PLAGL1: variants seen among roughly 807,000 people sequenced by gnomAD.
PLAGL1 encodes the protein PLAG1 like zinc finger 1.
A neutral mutation model predicts 4.6 loss-of-function variants in PLAGL1; 1 was observed. That is an observed-to-expected ratio of 0.22 (90% CI 0.08 to 1.03). The LOEUF (loss-of-function observed/expected upper bound fraction) is 1.03, where lower values mean the gene tolerates loss of function less well. Among genes scored for constraint, PLAGL1 ranks in the 50% least tolerant of loss-of-function variants. The probability of loss-of-function intolerance (pLI) is 0.58; values close to 1 mark genes in which losing one functional copy is unlikely to be tolerated. For missense variants in PLAGL1, 464 were observed against 570.4 expected (o/e 0.81, Z 1.90); for synonymous variants, 240 against 237.8 (o/e 1.01, Z -0.08).
chr6:143,959,996 A>G lies in PLAGL1; in HGVS notation c.-325+473T>C, dbSNP rs1783025235. ...AGCGTTTTCAAATAAAGCCTCAGGA[A>G]GTATGGCTGGATTGCCTCATGTGGC... On this transcript the variant is annotated intron_variant, in intron 6 of 7. Coordinates refer to ENST00000674357, the MANE Select transcript of PLAGL1 (RefSeq NM_001317162.2). This position sits in a 1 kb window ranked among gnomAD's most constrained non-coding sequence, Gnocchi z 5.3. 6.6e-6 allele frequency among the ~76,000 whole-genome samples: 1 copy of G among 152,256 alleles called. No individual in the cohort carries two copies. Among genetic ancestry groups the G allele is most frequent in the Non-Finnish European group, 1.5e-5 (1 of 68,050 alleles).
chr6:144,048,616 G>GC lies in PLAGL1; in HGVS notation c.-151+15851dup, dbSNP rs1181079617. ...TGTATGTTGGCCCCTTTTAGCTATG[G>GC]CTGGGACACAGGGTGCCAAGTCCTG... On this transcript the variant is annotated intron_variant, in intron 1 of 3. Coordinates refer to the PLAGL1 transcript ENST00000437412. This position sits in a 1 kb window ranked among gnomAD's most constrained non-coding sequence, Gnocchi z 4.8. Among the ~76,000 whole-genome samples the GC allele has an allele frequency of 2.6e-5, 4 of 152,190 alleles. No homozygotes were observed. The highest frequency in any genetic ancestry group is 9.6e-5 in the African/African-American group (4 of 41,458).
rs1352238399 is a variant in PLAGL1, at chr6:144,059,600, T to TC, written c.-151+4867dup. Among the ~76,000 whole-genome samples, 1 of 152,222 alleles carries TC rather than the reference T, an allele frequency of 6.6e-6. No individual in the cohort carries two copies. Among genetic ancestry groups the TC allele is most frequent in the African/African-American group, 2.4e-5 (1 of 41,448 alleles). Reference sequence around the variant, plus strand: ...ACAGCCCTAACTCTAATTGTAACTTTCCCAGATATTTTTAATATATTTAGG... The same window carrying TC: ...ACAGCCCTAACTCTAATTGTAACTTTCCCCAGATATTTTTAATATATTTAGG... On this transcript the variant is annotated intron_variant, in intron 1 of 3. Transcript: ENST00000437412. This position sits in a 1 kb window ranked among gnomAD's most constrained non-coding sequence, Gnocchi z 4.9.
At position 143,979,741 on chromosome 6, in the gene PLAGL1, C is replaced by G. The variant is rs960468030; in HGVS notation, c.-544+5394G>C. ...ATCATCATCGTATGTATTTATTTAC[C>G]TAGGTGGTTGCCATTTCTGGTGCTC... On this transcript the variant is annotated intron_variant, in intron 2 of 7. Transcript: ENST00000674357. This position sits in a 1 kb window ranked among gnomAD's most constrained non-coding sequence, Gnocchi z 4.6. 6.6e-6 allele frequency among the ~76,000 whole-genome samples: 1 copy of G among 151,552 alleles called. No individual in the cohort carries two copies. Among genetic ancestry groups the G allele is most frequent in the African/African-American group, 2.4e-5 (1 of 41,248 alleles).
rs1213210690 is a variant in PLAGL1 at position 143,973,032 on chromosome 6, T to G, written c.-543-4054A>C. ...TTTGGGGTGAATTTCCCAATTCCTC[T>G]GTGTTAAATTGAGGTCTAATTTTCC... On this transcript the variant is annotated intron_variant, in intron 2 of 7. Coordinates refer to ENST00000674357, the MANE Select transcript of PLAGL1 (RefSeq NM_001317162.2). The surrounding 1 kb of genome is among the most constrained non-coding windows in gnomAD (Gnocchi z 6.2). Among the ~76,000 whole-genome samples, 1 of 152,216 alleles carries G rather than the reference T, an allele frequency of 6.6e-6. No homozygotes were observed.
chr6:143,941,306 T>G lies in PLAGL1; in HGVS notation c.*118A>C. 1 of 707,812 alleles carries G rather than the reference T, an allele frequency of 1.4e-6. No homozygotes were observed. The highest frequency in any genetic ancestry group is 2.5e-5 in the South Asian group (1 of 40,028). The allele number at this position is 707,812 out of a possible 1,614,324, so 43.8% of individuals were successfully genotyped here. A position where few individuals can be genotyped will look rare whatever the true frequency, so the allele number is the denominator to read the frequency against. On this transcript the variant is annotated 3_prime_UTR_variant, in exon 8 of 8. Transcript: ENST00000674357. The surrounding 1 kb of genome is among the most constrained non-coding windows in gnomAD (Gnocchi z 6.0). ...TTCTCTTATCATCTCAAGCCAGTCA[T>G]CACTGAATAAGCCATAGTCCCAGTC...
intron 2 of PLAGL1, among the ~76,000 whole-genome samples, chr6:143,977,092 C>T (rs922790976): frequency 6.7e-6 from 1 of 149,104 alleles, no homozygotes; most frequent in Non-Finnish European, 1.5e-5. Flanking sequence ...TTCCCCCCCC[C>T]CAACACACTT....
At chr6:143,946,408 T>G (rs915250439) in intron 7 of PLAGL1, among the ~76,000 whole-genome samples, 2 of 152,208 alleles carry the variant, frequency 1.3e-5, no homozygotes, top group African/African-American at 4.8e-5. Flanking sequence ...ACGCTTACCC[T>G]CCGCACACGC....
chr6:143,985,135 A>G lies in PLAGL1; in HGVS notation c.-544T>C, dbSNP rs1245935603. On this transcript the variant is annotated splice_region_variant and 5_prime_UTR_variant, in exon 2 of 8. Coordinates refer to ENST00000674357, the MANE Select transcript of PLAGL1 (RefSeq NM_001317162.2). This position sits in a 1 kb window ranked among gnomAD's most constrained non-coding sequence, Gnocchi z 4.4. ...AAAAGAAACTGAAATATCAGCTTAC[A>G]AAAGCCAATCACGATGTTTATGAAT... The G allele has an allele frequency of 6.6e-6, 1 of 152,216 alleles. No homozygotes were observed. Among genetic ancestry groups the G allele is most frequent in the African/African-American group, 2.4e-5 (1 of 41,476 alleles). The allele number at this position is 152,216 out of a possible 1,614,324, so 9.4% of individuals were successfully genotyped here.
chr6:144,037,427 A>C (rs1797325522), intron 1 of PLAGL1: 1 of 151,442 alleles, frequency 6.6e-6, no homozygotes, highest in East Asian at 1.9e-4. Flanking sequence ...AAAAAAAAAA[A>C]AAAAAAAAAA....
At chr6:144,030,345 T>A (rs1207455505) in intron 1 of PLAGL1, among the ~76,000 whole-genome samples, 2 of 151,808 alleles carry the variant, frequency 1.3e-5, no homozygotes, top group Admixed American at 1.3e-4. Context: ...TACAGCTTTT[T>A]AAAATTTTTT....
At chr6:144,013,303 A>C (rs1276863257), upstream of PLAGL1, among the ~76,000 whole-genome samples, 1 of 152,236 alleles carries the variant, frequency 6.6e-6, no homozygotes, top group East Asian at 1.9e-4. The surrounding 1 kb of genome is among the most constrained non-coding windows in gnomAD (Gnocchi z 4.4). Flanking sequence ...TGGGGCTAAA[A>C]TTAATACCAC....
chr6:144,040,385 T>C (rs1250811860), intron 1 of PLAGL1, among the ~76,000 whole-genome samples: 1 of 151,236 alleles, frequency 6.6e-6, no homozygotes, highest in Non-Finnish European at 1.5e-5. Context: ...AAAAATTAGC[T>C]GGGCATGGTG....
chr6:143,981,687 G>A (rs951105596), intron 2 of PLAGL1, among the ~76,000 whole-genome samples: 1 of 152,126 alleles, frequency 6.6e-6, no homozygotes, highest in Non-Finnish European at 1.5e-5. Context: ...TTTTAGGCGA[G>A]AGAATAACTC....
At chr6:144,003,360 C>T (rs963531651) in intron 1 of PLAGL1, among the ~76,000 whole-genome samples, 2 of 152,116 alleles carry the variant, frequency 1.3e-5, no homozygotes, top group African/African-American at 4.8e-5. Context: ...CGCGGTGGCT[C>T]ACACCTGTAA....
rs1781801326 is a variant in PLAGL1, at chr6:143,954,929, A to C, written c.-325+5540T>G. Among the ~76,000 whole-genome samples the C allele has an allele frequency of 6.6e-6, 1 of 152,226 alleles. No homozygotes were observed. Among genetic ancestry groups the C allele is most frequent in the South Asian group, 2.1e-4 (1 of 4,834 alleles). Reference sequence around the variant, plus strand: ...TATCCACAAACAGAAATATAGTTTAAATACCATCATATTAGCCAGAAAATA... The same window carrying C: ...TATCCACAAACAGAAATATAGTTTACATACCATCATATTAGCCAGAAAATA... On this transcript the variant is annotated intron_variant, in intron 6 of 7. Coordinates refer to ENST00000674357, the MANE Select transcript of PLAGL1 (RefSeq NM_001317162.2). The surrounding 1 kb of genome is among the most constrained non-coding windows in gnomAD (Gnocchi z 5.1).
At chr6:143,992,922 G>C (rs1790785042) in intron 1 of PLAGL1, among the ~76,000 whole-genome samples, 1 of 151,998 alleles carries the variant, frequency 6.6e-6, no homozygotes, top group African/African-American at 2.4e-5. Flanking sequence ...AGGTTGCAGT[G>C]AGCCGAGATC....
Position 144,064,216 on chromosome 6 carries a change from G to A in PLAGL1, c.-151+252C>T, listed in dbSNP as rs1276344800. Among the ~76,000 whole-genome samples, 9 of 152,206 alleles carry A rather than the reference G, an allele frequency of 5.9e-5. No homozygotes were observed. Among genetic ancestry groups the A allele is most frequent in the African/African-American group, 1.4e-4 (6 of 41,548 alleles). ...GCTGCAGACGACGGAGAAAAGGGAA[G>A]CGCGCCCCAAGCCGCACAAAGGTGG... is the stretch of plus-strand genomic sequence containing the variant. On this transcript the variant is annotated intron_variant, in intron 1 of 3. Transcript: ENST00000437412. The surrounding 1 kb of genome is among the most constrained non-coding windows in gnomAD (Gnocchi z 6.8).
chr6:144,017,811 C>T (rs989558198), intron 1 of PLAGL1, among the ~76,000 whole-genome samples: 8 of 152,222 alleles, frequency 5.3e-5, no homozygotes, highest in African/African-American at 1.7e-4. Flanking sequence ...AAAATTCCCA[C>T]CTCTGATCAT....
chr6:144,042,991 A>G (rs139885814), intron 1 of PLAGL1, among the ~76,000 whole-genome samples: 12,746 of 152,254 alleles, frequency 0.084, 780 homozygotes, highest in Admixed American at 0.21. Flanking sequence ...TTATTGGTGT[A>G]TAGGAATGCT....
Sources: allele counts gnomAD v4.1 joint callset (sites outside exome capture counted in the v4.1 genomes callset), GRCh38; gene constraint gnomAD v4.1.1; non-coding constraint Gnocchi (gnomAD v3.1); transcripts MANE v1.5; gene names NCBI Gene and HGNC (gene_info 2026-07-23, HGNC 2026-07-21).